The following PIK3C2G variants were observed in gnomAD, a reference collection of about 807,000 sequenced individuals.
PIK3C2G encodes phosphatidylinositol 3-kinase C2 domain-containing subunit gamma.
In PIK3C2G, 168 loss-of-function variants were observed where a neutral mutation model predicts 181.1. That is an observed-to-expected ratio of 0.93 (90% CI 0.82 to 1.05). The LOEUF is 1.05. Ranked by LOEUF, PIK3C2G falls within the 50% of genes least tolerant of loss-of-function variation. The probability of loss-of-function intolerance (pLI) is 0.00; values close to 1 mark genes in which losing one functional copy is unlikely to be tolerated. For synonymous variants in PIK3C2G, 573 were observed against 592.2 expected, an observed-to-expected ratio of 0.97 and a Z score of 0.47; for missense variants, 1,869 against 1,732.8, an observed-to-expected ratio of 1.08 and a Z score of -1.40.
intron 18 of PIK3C2G, among the ~76,000 whole-genome samples, chr12:18,485,576 C>T (rs905923041): frequency 2.6e-5 from 4 of 152,132 alleles, no homozygotes; most frequent in African/African-American, 9.7e-5. Flanking sequence ...ATAACTTACA[C>T]TTTATAAAGC....
intron 15 of PIK3C2G, among the ~76,000 whole-genome samples, chr12:18,397,008 A>G (rs1413544728): frequency 6.6e-6 from 1 of 151,906 alleles, no homozygotes; most frequent in Non-Finnish European, 1.5e-5. Flanking sequence ...CATAACTTGT[A>G]TGGATTCATG....
chr12:18,424,023 G>T lies in PIK3C2G; in HGVS notation c.2488G>T (p.Ala830Ser), dbSNP rs1323833536. ...LHRSLQSIQV[A>S]HRLYWLLKNA... is the part of the protein sequence containing the mutation. ...CCGCTCCTTGCAGAGCATCCAGGTT[G>T]CCCATCGTCTTTACTGGTAAGATTA... The change falls in exon 18 of 33, where the codon GCC (alanine) becomes TCC (serine). Residue 830 changes from alanine to serine, a missense_variant. By Grantham distance (99) the Ala-to-Ser change is moderately conservative. Coordinates refer to ENST00000538779, the MANE Select transcript of PIK3C2G (RefSeq NM_001288772.2). 6.2e-7 allele frequency: 1 copy of T among 1,608,746 alleles called. No homozygotes were observed. Among genetic ancestry groups the T allele is most frequent in the East Asian group, 2.2e-5 (1 of 44,774 alleles).
chr12:18,602,108 T>C (rs768436137), intron 30 of PIK3C2G, among the ~76,000 whole-genome samples: 1 of 152,120 alleles, frequency 6.6e-6, no homozygotes, highest in Non-Finnish European at 1.5e-5. Flanking sequence ...AAAGCCCTTT[T>C]CTTTTGCAGC....
chr12:18,398,610 G>A (rs1944035821), intron 15 of PIK3C2G, among the ~76,000 whole-genome samples: 1 of 152,144 alleles, frequency 6.6e-6, no homozygotes, highest in African/African-American at 2.4e-5. Context: ...ATTGAACTGT[G>A]GTTCTGAATA....
intron 18 of PIK3C2G, among the ~76,000 whole-genome samples, chr12:18,481,227 C>T (rs1173934263): frequency 1.3e-5 from 2 of 152,158 alleles, no homozygotes; most frequent in South Asian, 4.1e-4. Flanking sequence ...AGCCACTGCA[C>T]CTGGCTTGAA....
chr12:18,314,531 G>C (rs1019787641), intron 6 of PIK3C2G: 1 of 152,620 alleles, frequency 6.6e-6, no homozygotes, highest in African/African-American at 2.4e-5. Context: ...ACTAGGTTAG[G>C]ACACAGCAAG....
chr12:18,604,122 A>C (rs1947884211), intron 30 of PIK3C2G, among the ~76,000 whole-genome samples: 1 of 152,202 alleles, frequency 6.6e-6, no homozygotes, highest in African/African-American at 2.4e-5. Context: ...ATAAGAACTC[A>C]CCAACCATCT....
chr12:18,684,552 A>G, the PIK3C2G span, among the ~76,000 whole-genome samples: 4 of 152,038 alleles, frequency 2.6e-5, no homozygotes, highest in Non-Finnish European at 5.9e-5. Context: ...CTGAGCCACA[A>G]AGATGTTACA....
Position 18,394,068 on chromosome 12 carries a change from A to G in PIK3C2G, c.2126+2816A>G, listed in dbSNP as rs796746742. Among the ~76,000 whole-genome samples, 5 of 152,230 alleles carry G rather than the reference A, an allele frequency of 3.3e-5. No individual in the cohort carries two copies. In the East Asian group the frequency reaches 5.8e-4, roughly 18 times the overall value. On this transcript the variant is annotated intron_variant, in intron 15 of 32. Transcript: ENST00000538779. ...ACTGCTTCAGGGAGATGTAAAATAA[A>G]TGTGATTTGAGAAGCCACACAATGC...
At chr12:18,327,658 A>G (rs1340259735) in intron 8 of PIK3C2G, among the ~76,000 whole-genome samples, 1 of 152,070 alleles carries the variant, frequency 6.6e-6, no homozygotes, top group African/African-American at 2.4e-5. Context: ...ACTATAGAGA[A>G]TATTTTTGAA....
chr12:18,552,437 A>G (rs952926443), intron 26 of PIK3C2G, among the ~76,000 whole-genome samples: 10 of 152,088 alleles, frequency 6.6e-5, no homozygotes, highest in Non-Finnish European at 8.8e-5. Context: ...TGTGGTTACA[A>G]TTCCACAAAT....
At chr12:18,439,689 C>T (rs1946635077) in intron 18 of PIK3C2G, among the ~76,000 whole-genome samples, 1 of 152,072 alleles carries the variant, frequency 6.6e-6, no homozygotes, top group Non-Finnish European at 1.5e-5. Context: ...AAACCTTTAA[C>T]TCAGTATGAC....
chr12:18,685,850 A>G, the PIK3C2G span, among the ~76,000 whole-genome samples: 1,652 of 138,144 alleles, frequency 0.012, 36 homozygotes, highest in African/African-American at 0.045. Flanking sequence ...ACACGCGCAC[A>G]CACACACACA....
At chr12:18,441,229 C>T (rs1946731407) in intron 18 of PIK3C2G, among the ~76,000 whole-genome samples, 1 of 151,858 alleles carries the variant, frequency 6.6e-6, no homozygotes, top group Admixed American at 6.6e-5. Context: ...CATTGGAGGT[C>T]ATCAAAAAAG....
intron 2 of PIK3C2G, among the ~76,000 whole-genome samples, chr12:18,284,525 C>A (rs1322985827): frequency 2.6e-5 from 4 of 152,028 alleles, no homozygotes. Flanking sequence ...AATAACTCTA[C>A]CAGTCAAAAG....
rs372691815 is a variant in PIK3C2G at position 18,505,300 on chromosome 12, G to A, written c.3162G>A (p.Arg1054=). 9.4e-6 allele frequency: 15 copies of A among 1,592,186 alleles called. No homozygotes were observed. The African/African-American group carries it at 1.6e-4, about 17-fold the overall frequency. ...GTTTTTCAATGAATTAGGCCTTGAG[G>A]AACTTTTTCTACTCCTGTGCTGGCT... ...HLKADYEKAL[R]NFFYSCAGWC... Residue 1054 remains arginine, a synonymous_variant, in exon 24 of 33, where the codon AGG becomes AGA. Transcript: ENST00000538779.
intron 18 of PIK3C2G, among the ~76,000 whole-genome samples, chr12:18,484,354 G>A (rs916043317): frequency 6.6e-6 from 1 of 152,108 alleles, no homozygotes; most frequent in Non-Finnish European, 1.5e-5. Context: ...AATTATGGTA[G>A]GGGTATAAAC....
intron 8 of PIK3C2G, among the ~76,000 whole-genome samples, chr12:18,337,907 A>C (rs555878236): frequency 3.4e-4 from 52 of 152,240 alleles, no homozygotes; most frequent in African/African-American, 1.2e-3. Context: ...ACACCTTAAC[A>C]CCACAACTGG....
chr12:18,663,173 G>C, the PIK3C2G span, among the ~76,000 whole-genome samples: 1 of 152,078 alleles, frequency 6.6e-6, no homozygotes, highest in Non-Finnish European at 1.5e-5. Flanking sequence ...ACAAGGCAAG[G>C]GTGAACAGGT....
Sources: allele counts gnomAD v4.1 joint callset (sites outside exome capture counted in the v4.1 genomes callset), GRCh38; gene constraint gnomAD v4.1.1; transcripts MANE v1.5; gene names NCBI Gene and HGNC (gene_info 2026-07-23, HGNC 2026-07-21).